Variants in COL6A6 observed in about 807,000 individuals in gnomAD.
COL6A6 encodes the protein collagen alpha-6(VI) chain.
COL6A6 carries 183 observed loss-of-function variants against 208.6 expected under a neutral mutation model. That is an observed-to-expected ratio of 0.88 (90% confidence interval 0.78 to 0.99). COL6A6 has a LOEUF of 0.99. Ranked by LOEUF, COL6A6 falls within the 50% of genes least tolerant of loss-of-function variation. The pLI, the probability that COL6A6 is intolerant of heterozygous loss-of-function variation, is 0.00. For synonymous variants in COL6A6, 973 were observed against 1,011.8 expected, an observed-to-expected ratio of 0.96 and a Z score of 0.73; for missense variants, 2,816 against 2,815.2, an observed-to-expected ratio of 1.00 and a Z score of -0.01.
intron 36 of COL6A6, among the ~76,000 whole-genome samples, chr3:130,667,784 G>T (rs2108481874): frequency 6.6e-6 from 1 of 152,100 alleles, no homozygotes; most frequent in Admixed American, 6.5e-5. Context: ...GTACTAAAAA[G>T]AGGGTAATAA....
chr3:130,663,558 A>G (rs905789727), intron 35 of COL6A6, among the ~76,000 whole-genome samples: 2 of 152,150 alleles, frequency 1.3e-5, no homozygotes, highest in Non-Finnish European at 2.9e-5. Flanking sequence ...TTGTAAGGGT[A>G]AAAAAAGTAC....
chr3:130,563,150 C>T lies in COL6A6; in HGVS notation c.147C>T (p.Phe49=). ...AGTCCTTCCCATTTGTGAAAATGTT[C>T]ATCACCAAAATGATCAGCAGTCTCC... ...GSKSFPFVKM[F]ITKMISSLPI... is the part of the protein sequence containing the mutation. Residue 49 remains phenylalanine (F), a synonymous_variant, in exon 3 of 37, where the codon TTC becomes TTT. Transcript: ENST00000358511. The T allele has an allele frequency of 6.2e-7, 1 of 1,613,992 alleles. No individual in the cohort carries two copies. Among genetic ancestry groups the T allele is most frequent in the South Asian group, 1.1e-5 (1 of 91,082 alleles).
chr3:130,641,709 C>T lies in COL6A6; in HGVS notation c.5149C>T (p.Arg1717Cys), dbSNP rs376592854. The T allele has an allele frequency of 4.4e-5, 70 of 1,583,558 alleles. 1 individual carries two copies. In the Admixed American group the frequency reaches 6.2e-4, roughly 14 times the overall value. The change falls in exon 29 of 37, where the codon CGT (arginine) becomes TGT (cysteine). Residue 1717 changes from arginine (R) to cysteine (C), a missense_variant. Transcript: ENST00000358511. ...GSPGEPGPPG[R>C]KGVKGAKGLA... ...CCCTGGGGAACCAGGACCTCCTGGA[C>T]GTAAGGTAAGTAGAAAAACTATAAA...
At chr3:130,578,002 T>A (rs536934031) in intron 8 of COL6A6, among the ~76,000 whole-genome samples, 1 of 152,356 alleles carries the variant, frequency 6.6e-6, no homozygotes, top group South Asian at 2.1e-4. Flanking sequence ...TGGTATTTTC[T>A]TAAGCAACTG....
intron 1 of COL6A6, among the ~76,000 whole-genome samples, chr3:130,531,406 A>G (rs984042066): frequency 6.6e-6 from 1 of 152,158 alleles, no homozygotes; most frequent in South Asian, 2.1e-4. Context: ...CTGGGAATGG[A>G]AAATCTCCAG....
chr3:130,665,353 A>G (rs2066049713), intron 36 of COL6A6, among the ~76,000 whole-genome samples: 1 of 152,174 alleles, frequency 6.6e-6, no homozygotes, highest in Non-Finnish European at 1.5e-5. Context: ...GGGACACCCC[A>G]GTGACAATGA....
chr3:130,641,416 C>CA (rs749171963), intron 28 of COL6A6, among the ~76,000 whole-genome samples: 5 of 150,934 alleles, frequency 3.3e-5, no homozygotes, highest in East Asian at 1.9e-4. Context: ...GTCTTAATTC[C>CA]AAAAAAAATA....
chr3:130,610,389 T>C (rs1317802830), intron 22 of COL6A6, among the ~76,000 whole-genome samples: 1 of 152,174 alleles, frequency 6.6e-6, no homozygotes, highest in African/African-American at 2.4e-5. Flanking sequence ...ATGGAAAAGC[T>C]CAACCATTCA....
intron 1 of COL6A6, among the ~76,000 whole-genome samples, chr3:130,519,751 A>G (rs921882254): frequency 4.6e-5 from 7 of 152,336 alleles, no homozygotes; most frequent in South Asian, 2.1e-4. Flanking sequence ...TAAAATGCCA[A>G]GCACAAGTGC....
At chr3:130,579,542 T>C (rs1385970800) in intron 8 of COL6A6, among the ~76,000 whole-genome samples, 1 of 152,222 alleles carries the variant, frequency 6.6e-6, no homozygotes, top group Admixed American at 6.5e-5. Context: ...CTCTTACTTC[T>C]CTTATCACCC....
intron 5 of COL6A6, 53 bp downstream of exon 5, chr3:130,567,315 T>C: frequency 7.4e-7 from 1 of 1,344,662 alleles, no homozygotes; most frequent in Non-Finnish European, 1.0e-6. Flanking sequence ...ATTGCTATCC[T>C]GGCAATAATT....
chr3:130,647,159 T>C (rs138457896), intron 32 of COL6A6, among the ~76,000 whole-genome samples: 250 of 152,316 alleles, frequency 1.6e-3, no homozygotes, highest in African/African-American at 5.9e-3. Flanking sequence ...CTTCCCTTTT[T>C]GAGGAGGGCC....
intron 11 of COL6A6, 75 bp from the exon 12 acceptor site, chr3:130,589,015 C>T (rs953963815): frequency 1.1e-5 from 12 of 1,073,328 alleles, no homozygotes; most frequent in Admixed American, 5.9e-5. Context: ...AAGTCTGGAT[C>T]GCATGGTTGA....
In COL6A6 at chr3:130,599,797, C is replaced by G. The variant is rs1172882200; in HGVS notation, c.4640C>G (p.Ser1547Cys). The change falls in exon 20 of 37, where the codon TCC becomes TGC. Residue 1547 changes from serine (S) to cysteine (C), a missense_variant. Coordinates refer to ENST00000358511, the MANE Select transcript of COL6A6 (RefSeq NM_001102608.3). ...CCAGGCCCCCCCGGGACACCAGGCT[C>G]CAGAAGAAAGACAGTAAGAGCCCTT... ...GWPGPPGTPG[S>C]RRKTAAHGRR... 2.5e-6 allele frequency: 4 copies of G among 1,613,590 alleles called. No homozygotes were observed. Among genetic ancestry groups the G allele is most frequent in the Admixed American group, 3.3e-5 (2 of 59,976 alleles).
At chr3:130,645,118 T>G (rs1273787989) in intron 32 of COL6A6, 116 bp downstream of exon 32, 33 of 956,716 alleles carry the variant, frequency 3.4e-5, no homozygotes, top group Non-Finnish European at 5.6e-5. Context: ...ATCTGGGCTT[T>G]CTTTGCTGCT....
chr3:130,589,046 A>G, intron 11 of COL6A6, 44 bp from the exon 12 acceptor site: 2 of 1,472,128 alleles, frequency 1.4e-6, no homozygotes, highest in African/African-American at 1.4e-5. Flanking sequence ...GAGATTTGGG[A>G]AGCAATACCA....
At chr3:130,581,514 A>T in intron 8 of COL6A6, 47 bp from the exon 9 acceptor site, 1 of 1,364,234 alleles carries the variant, frequency 7.3e-7, no homozygotes, top group Non-Finnish European at 1.0e-6. Flanking sequence ...GAGTTAAATA[A>T]AGGCGTTTGT....
intron 23 of COL6A6, among the ~76,000 whole-genome samples, chr3:130,620,340 A>C (rs925602139): frequency 6.6e-6 from 1 of 152,184 alleles, no homozygotes; most frequent in Admixed American, 6.5e-5. Context: ...AGGCAAATAG[A>C]ATAAGGGGAG....
intron 23 of COL6A6, among the ~76,000 whole-genome samples, chr3:130,616,088 T>A (rs1375501992): frequency 6.6e-6 from 1 of 152,182 alleles, no homozygotes; most frequent in African/African-American, 2.4e-5. Flanking sequence ...GTACAATTTT[T>A]TATGTTTAGG....
Sources: gnomAD v4.1 joint callset for allele counts (sites outside exome capture counted in the v4.1 genomes callset) on GRCh38, gnomAD v4.1.1 for gene constraint, MANE v1.5 for transcripts, NCBI Gene and HGNC (gene_info 2026-07-23, HGNC 2026-07-21) for gene names.